ABCC1: variants seen among roughly 807,000 people sequenced by gnomAD.
The protein encoded by ABCC1 is multidrug resistance-associated protein 1.
In ABCC1, 83 loss-of-function variants were observed where a neutral mutation model predicts 172.9. The ratio of observed to expected loss-of-function variants is 0.48; its 90% CI spans 0.40 to 0.58. ABCC1 has a LOEUF of 0.58. Ranked by LOEUF, ABCC1 falls within the 20% of genes least tolerant of loss-of-function variation. The probability of loss-of-function intolerance (pLI) is 0.00; values close to 1 mark genes in which losing one functional copy is unlikely to be tolerated. For missense variants in ABCC1, 1,817 were observed against 2,002.7 expected (o/e 0.91, Z 1.77); for synonymous variants, 937 against 825.2 (o/e 1.14, Z -2.32).
intron 14 of ABCC1, among the ~76,000 whole-genome samples, chr16:16,075,192 G>A (rs1266753536): frequency 2.6e-5 from 4 of 151,984 alleles, no homozygotes; most frequent in Non-Finnish European, 5.9e-5. Flanking sequence ...TGATCTGCCC[G>A]CCTCGGTCTC....
At chr16:15,956,971 G>A (rs1412869865) in intron 1 of ABCC1, among the ~76,000 whole-genome samples, 1 of 152,176 alleles carries the variant, frequency 6.6e-6, no homozygotes, top group African/African-American at 2.4e-5. Context: ...CTTTTGGGCG[G>A]TGTCGAAACT....
At chr16:16,060,461 T>C (rs1357074406) in intron 12 of ABCC1, among the ~76,000 whole-genome samples, 2 of 152,158 alleles carry the variant, frequency 1.3e-5, no homozygotes, top group African/African-American at 4.8e-5. Context: ...TTCTGCCTTG[T>C]ACATTGCATT....
intron 9 of ABCC1, 69 bp from the exon 10 acceptor site, chr16:16,048,073 G>A: frequency 4.5e-6 from 7 of 1,557,240 alleles, no homozygotes; most frequent in Non-Finnish European, 5.3e-6. Context: ...CCTCTCCGTG[G>A]GTCTGGAGGG....
At chr16:16,010,366 A>G (rs2047732356) in intron 3 of ABCC1, among the ~76,000 whole-genome samples, 2 of 152,140 alleles carry the variant, frequency 1.3e-5, no homozygotes, top group African/African-American at 4.8e-5. Flanking sequence ...TGGATGGGGC[A>G]TGTGTTGTCC....
intron 19 of ABCC1, among the ~76,000 whole-genome samples, chr16:16,101,424 G>C (rs2051742368): frequency 6.6e-6 from 1 of 152,158 alleles, no homozygotes; most frequent in South Asian, 2.1e-4. Context: ...GTCCAGGAAT[G>C]ATCTGCAGCC....
chr16:15,958,256 C>A (rs2046046331), intron 1 of ABCC1, among the ~76,000 whole-genome samples: 1 of 152,148 alleles, frequency 6.6e-6, no homozygotes, highest in Admixed American at 6.5e-5. Flanking sequence ...CAGGCCCGCA[C>A]CACCACACTC....
chr16:16,044,107 A>G (rs1251223485), intron 7 of ABCC1, among the ~76,000 whole-genome samples: 3 of 152,154 alleles, frequency 2.0e-5, no homozygotes, highest in Admixed American at 2.0e-4. Flanking sequence ...TCAGTTTTCT[A>G]AGTCTTTAAC....
chr16:16,116,631 C>T (rs533143997), intron 23 of ABCC1, among the ~76,000 whole-genome samples: 3 of 151,902 alleles, frequency 2.0e-5, no homozygotes, highest in Non-Finnish European at 2.9e-5. Flanking sequence ...GATGGAATCT[C>T]GGCTCACTGC....
intron 1 of ABCC1, among the ~76,000 whole-genome samples, chr16:15,969,093 A>G (rs1257427136): frequency 2.6e-5 from 4 of 152,064 alleles, no homozygotes; most frequent in Non-Finnish European, 4.4e-5. Flanking sequence ...AATCCCAGCT[A>G]CTGGGAAGGG....
chr16:16,102,590 A>G (rs1469712955), intron 19 of ABCC1, 37 bp from the exon 20 acceptor site: 1 of 1,550,006 alleles, frequency 6.5e-7, no homozygotes. Flanking sequence ...TCTGCCTCAT[A>G]TAACCCCACT....
chr16:16,065,717 G>A (rs929505310), intron 12 of ABCC1, among the ~76,000 whole-genome samples: 1 of 152,140 alleles, frequency 6.6e-6, no homozygotes, highest in South Asian at 2.1e-4. Context: ...ACAGGCATGA[G>A]CCATTGAGCC....
chr16:16,017,887 G>C (rs2048059795), intron 5 of ABCC1, among the ~76,000 whole-genome samples: 1 of 152,096 alleles, frequency 6.6e-6, no homozygotes, highest in Admixed American at 6.6e-5. Flanking sequence ...AGGCAGAGGG[G>C]AATAAGTACA....
intron 1 of ABCC1, among the ~76,000 whole-genome samples, chr16:15,971,482 A>C (rs974683335): frequency 2.0e-5 from 3 of 152,116 alleles, no homozygotes; most frequent in African/African-American, 7.2e-5. Flanking sequence ...TGCTTTAAAA[A>C]CCAAACATTT....
At chr16:15,960,435 A>T (rs1469216982) in intron 1 of ABCC1, among the ~76,000 whole-genome samples, 2 of 151,990 alleles carry the variant, frequency 1.3e-5, no homozygotes, top group East Asian at 3.9e-4. Flanking sequence ...TCATTCATTC[A>T]TTTATTCAGT....
chr16:16,123,067 A>G (rs963773774), intron 24 of ABCC1, among the ~76,000 whole-genome samples: 24 of 152,166 alleles, frequency 1.6e-4, no homozygotes, highest in Non-Finnish European at 3.5e-4. Context: ...GAGGTGTCCC[A>G]TAACCATTAG....
chr16:16,057,212 A>G (rs78280629), intron 12 of ABCC1, among the ~76,000 whole-genome samples: 1 of 149,542 alleles, frequency 6.7e-6, no homozygotes, highest in African/African-American at 2.5e-5. Context: ...AGAAAAAAAA[A>G]GCTGGGCATG....
In ABCC1 at chr16:16,124,062, A is replaced by G. The variant is rs542313419; in HGVS notation, c.3591-727A>G. Among the ~76,000 whole-genome samples the G allele has an allele frequency of 4.6e-5, 7 of 152,326 alleles. No individual in the cohort carries two copies. In the South Asian group the frequency reaches 1.4e-3, roughly 32 times the overall value. ...AAACATGATTTCTGTTTCTATTTTA[A>G]AGGGTAAAATAGTATATTTTAACAC... On this transcript the variant is annotated intron_variant, in intron 24 of 30. Coordinates refer to ENST00000399410, the MANE Select transcript of ABCC1 (RefSeq NM_004996.4).
At chr16:16,001,114 C>T (rs893548924) in intron 1 of ABCC1, among the ~76,000 whole-genome samples, 3 of 152,136 alleles carry the variant, frequency 2.0e-5, no homozygotes, top group Admixed American at 6.6e-5. Flanking sequence ...GAGTAAGGCA[C>T]ATTTGGGGAA....
chr16:16,106,743 T>C lies in ABCC1; in HGVS notation c.2741T>C (p.Leu914Pro). 6.2e-7 allele frequency: 1 copy of C among 1,613,980 alleles called. No individual in the cohort carries two copies. Among genetic ancestry groups the C allele is most frequent in the Non-Finnish European group, 8.5e-7 (1 of 1,180,014 alleles). The stretch of plus-strand genomic sequence containing the variant: ...CTTGTGCTTTGCTTCTCCAGACAGC[T>C]CAGCAGCTCCTCCTCCTATAGTGGG... ...DSAGKQLQRQ[L>P]SSSSSYSGDI... The change falls in exon 21 of 31, where the codon CTC becomes CCC. Residue 914 changes from leucine (L) to proline (P), a missense_variant. By Grantham distance (98) the Leu-to-Pro change is moderately conservative. Coordinates refer to ENST00000399410, the MANE Select transcript of ABCC1 (RefSeq NM_004996.4).
Sources: gnomAD v4.1 joint callset for allele counts (sites outside exome capture counted in the v4.1 genomes callset) on GRCh38, gnomAD v4.1.1 for gene constraint, MANE v1.5 for transcripts, NCBI Gene and HGNC (gene_info 2026-07-23, HGNC 2026-07-21) for gene names.